Variants in GMDS observed in about 807,000 individuals in gnomAD.
GMDS encodes GDP-mannose 4,6 dehydratase.
In GMDS, 20 loss-of-function variants were observed where a neutral mutation model predicts 49.9. The observed-to-expected ratio is 0.40, with a 90% CI of 0.28 to 0.58. The LOEUF is 0.58. Among genes scored for constraint, GMDS ranks in the 20% least tolerant of loss-of-function variants. The probability of loss-of-function intolerance (pLI) is 0.42; values close to 1 mark genes in which losing one functional copy is unlikely to be tolerated. For synonymous variants in GMDS, 177 were observed against 178.6 expected, an observed-to-expected ratio of 0.99 and a Z score of 0.07; for missense variants, 362 against 481.4, an observed-to-expected ratio of 0.75 and a Z score of 2.32.
intron 9 of GMDS, among the ~76,000 whole-genome samples, chr6:1,686,142 G>C (rs1376673557): frequency 2.6e-5 from 4 of 152,160 alleles, no homozygotes; most frequent in Non-Finnish European, 5.9e-5. Flanking sequence ...TGCTGGCTGG[G>C]GGCATGTGGC....
intron 4 of GMDS, among the ~76,000 whole-genome samples, chr6:2,047,194 C>T (rs1036403131): frequency 5.3e-5 from 8 of 152,324 alleles, no homozygotes; most frequent in African/African-American, 1.7e-4. Context: ...GTAGCTGACA[C>T]TTGATATAAT....
At position 1,826,108 on chromosome 6, in the gene GMDS, G is replaced by A. The variant is rs575168148; in HGVS notation, c.772-83522C>T. The stretch of plus-strand genomic sequence containing the variant: ...TGGAAGTTGCTCTGGGTGAGTGAGT[G>A]AGTGAGAGGTGAGTCAATATGAAGG... On this transcript the variant is annotated intron_variant, in intron 7 of 10. Transcript: ENST00000380815. 7.9e-5 allele frequency among the ~76,000 whole-genome samples: 12 copies of A among 152,318 alleles called. 1 individual carries two copies. Among genetic ancestry groups the A allele is most frequent in the Middle Eastern group, 6.8e-3 (2 of 294 alleles).
At chr6:2,175,278 A>AC (rs1364324221) in intron 1 of GMDS, among the ~76,000 whole-genome samples, 2 of 152,252 alleles carry the variant, frequency 1.3e-5, no homozygotes, top group Non-Finnish European at 2.9e-5. Flanking sequence ...AAATTGAAAA[A>AC]TTGAAGGTGG....
chr6:1,999,949 A>ATATTTT lies in GMDS; in HGVS notation c.346-38984_346-38983insAAAATA, dbSNP rs1766580427. Among the ~76,000 whole-genome samples the ATATTTT allele has an allele frequency of 8.2e-5, 3 of 36,514 alleles. No homozygotes were observed. In the South Asian group the frequency reaches 2.6e-3, roughly 32 times the overall value. The allele number at this position is 36,514 out of a possible 152,430, so 24.0% of individuals were successfully genotyped here. ...TTATATATTATTATATATAATATATAATATGTATATTATATATATATTATA... is the reference window on the plus strand; with the variant it reads ...TTATATATTATTATATATAATATATATATTTTATATGTATATTATATATATATTATA... On this transcript the variant is annotated intron_variant, in intron 4 of 10. Transcript: ENST00000380815.
At chr6:1,704,771 G>A (rs1379475548) in intron 9 of GMDS, among the ~76,000 whole-genome samples, 1 of 151,988 alleles carries the variant, frequency 6.6e-6, no homozygotes, top group Non-Finnish European at 1.5e-5. Context: ...CACAGTCCCT[G>A]CCTGCGTGGA....
intron 1 of GMDS, among the ~76,000 whole-genome samples, chr6:2,232,703 T>C (rs1372210136): frequency 6.6e-6 from 1 of 152,146 alleles, no homozygotes; most frequent in East Asian, 1.9e-4. Flanking sequence ...AAAATCACGC[T>C]GCGGAACAGC....
chr6:2,147,349 C>T (rs1253912034), intron 1 of GMDS, among the ~76,000 whole-genome samples: 1 of 152,124 alleles, frequency 6.6e-6, no homozygotes, highest in Non-Finnish European at 1.5e-5. Flanking sequence ...CCAATACTAG[C>T]TTGCCCCCAC....
intron 9 of GMDS, among the ~76,000 whole-genome samples, chr6:1,670,555 C>T (rs535105753): frequency 7.2e-5 from 11 of 151,912 alleles, no homozygotes; most frequent in African/African-American, 1.4e-4. Context: ...TTATCTACAC[C>T]GGGATAAGAC....
intron 9 of GMDS, among the ~76,000 whole-genome samples, chr6:1,666,673 G>A (rs1159060584): frequency 2.6e-5 from 4 of 152,138 alleles, no homozygotes; most frequent in South Asian, 2.1e-4. Flanking sequence ...CTTGGGATCC[G>A]GAGCTACAGT....
At chr6:2,102,194 C>T (rs998970972) in intron 4 of GMDS, among the ~76,000 whole-genome samples, 2 of 151,888 alleles carry the variant, frequency 1.3e-5, no homozygotes, top group Non-Finnish European at 2.9e-5. Context: ...ATAATTCATA[C>T]AAAATCTGTT....
At chr6:1,757,881 G>C (rs1294572901) in intron 7 of GMDS, among the ~76,000 whole-genome samples, 1 of 152,340 alleles carries the variant, frequency 6.6e-6, no homozygotes, top group Middle Eastern at 3.4e-3. Flanking sequence ...AGCTAAATTT[G>C]ATGTTTCATT....
At chr6:2,006,614 T>A (rs1458986303) in intron 4 of GMDS, among the ~76,000 whole-genome samples, 1 of 152,176 alleles carries the variant, frequency 6.6e-6, no homozygotes, top group Non-Finnish European at 1.5e-5. Context: ...TTATATACTA[T>A]GTGTATTGTT....
intron 9 of GMDS, among the ~76,000 whole-genome samples, chr6:1,672,295 G>A (rs561773459): frequency 2.0e-5 from 3 of 152,306 alleles, no homozygotes; most frequent in Admixed American, 2.0e-4. Flanking sequence ...GGATAGACAT[G>A]GAGTGGAAGA....
At chr6:2,229,530 A>G (rs1780982799) in intron 1 of GMDS, among the ~76,000 whole-genome samples, 1 of 152,102 alleles carries the variant, frequency 6.6e-6, no homozygotes, top group African/African-American at 2.4e-5. Flanking sequence ...AGGCTGCGGT[A>G]AGCAAAGATC....
intron 9 of GMDS, among the ~76,000 whole-genome samples, chr6:1,649,351 A>G (rs1764860134): frequency 6.6e-6 from 1 of 152,224 alleles, no homozygotes; most frequent in Non-Finnish European, 1.5e-5. Context: ...CTCAGAGGTC[A>G]ATGACTTGCC....
chr6:2,150,015 T>A (rs963210550), intron 1 of GMDS, among the ~76,000 whole-genome samples: 2 of 152,234 alleles, frequency 1.3e-5, no homozygotes, highest in Admixed American at 1.3e-4. Flanking sequence ...CTGATATTTT[T>A]AATCATATTA....
chr6:1,635,774 C>T lies in GMDS; in HGVS notation c.988-11234G>A, dbSNP rs146367645. On this transcript the variant is annotated intron_variant, in intron 9 of 10. Coordinates refer to ENST00000380815, the MANE Select transcript of GMDS (RefSeq NM_001500.4). This position sits in a 1 kb window ranked among gnomAD's most constrained non-coding sequence, Gnocchi z 4.7. ...GGATGTGAAGGCGCTTTGGAAAAGA[C>T]AGCTCTATCCAAATGTGAGAAATTA... 6.6e-6 allele frequency among the ~76,000 whole-genome samples: 1 copy of T among 152,188 alleles called. No individual in the cohort carries two copies. Among genetic ancestry groups the T allele is most frequent in the Admixed American group, 6.5e-5 (1 of 15,276 alleles).
At chr6:1,926,840 T>C (rs1211689250) in intron 7 of GMDS, among the ~76,000 whole-genome samples, 5 of 152,254 alleles carry the variant, frequency 3.3e-5, no homozygotes, top group Non-Finnish European at 7.3e-5. Flanking sequence ...ATCATCAACA[T>C]ATTAGAAACC....
At chr6:1,969,926 C>T (rs1428839935) in intron 4 of GMDS, among the ~76,000 whole-genome samples, 2 of 152,178 alleles carry the variant, frequency 1.3e-5, no homozygotes, top group African/African-American at 2.4e-5. Context: ...GAATACCTGC[C>T]ACATGGAGAG....
Sources: allele counts gnomAD v4.1 joint callset (sites outside exome capture counted in the v4.1 genomes callset), GRCh38; gene constraint gnomAD v4.1.1; non-coding constraint Gnocchi (gnomAD v3.1); transcripts MANE v1.5; gene names NCBI Gene and HGNC (gene_info 2026-07-23, HGNC 2026-07-21).